Variants in NEBL observed in about 807,000 individuals in gnomAD.
NEBL encodes nebulette, also known as LIM and SH3 protein 2.
A neutral mutation model predicts 140.2 loss-of-function variants in NEBL; 122 were observed. The observed-to-expected ratio is 0.87, with a 90% CI of 0.75 to 1.01. The LOEUF is 1.01. Among genes scored for constraint, NEBL ranks in the 50% least tolerant of loss-of-function variants. The probability of loss-of-function intolerance (pLI) is 0.00; values close to 1 mark genes in which losing one functional copy is unlikely to be tolerated. For missense variants in NEBL, 1,365 were observed against 1,231.3 expected (o/e 1.11, Z -1.62); for synonymous variants, 436 against 398.9 (o/e 1.09, Z -1.11).
intron 13 of NEBL, among the ~76,000 whole-genome samples, chr10:20,839,624 G>T (rs1173207843): frequency 2.6e-5 from 4 of 152,142 alleles, no homozygotes; most frequent in Non-Finnish European, 5.9e-5. Flanking sequence ...TTAAGGTCAT[G>T]TTTTAAACAC....
intron 4 of NEBL, among the ~76,000 whole-genome samples, chr10:20,918,423 C>G (rs1343860160): frequency 6.6e-6 from 1 of 152,264 alleles, no homozygotes; most frequent in East Asian, 1.9e-4. Context: ...TTTAATTTCT[C>G]AGAGCCAATC....
chr10:20,806,515 C>T (rs2130746950), intron 26 of NEBL, among the ~76,000 whole-genome samples: 1 of 152,328 alleles, frequency 6.6e-6, no homozygotes, highest in East Asian at 1.9e-4. Flanking sequence ...AATATCCCCT[C>T]CCCAAGGAAG....
Position 20,845,319 on chromosome 10 carries a change from A to T in NEBL, c.1166T>A (p.Leu389Gln). Residue 389 changes from leucine to glutamine, a missense_variant, in exon 12 of 28, where the codon CTG becomes CAG. Around this residue, in one of 2 missense-constraint regions of NEBL, gnomAD observed 1,323 missense variants for 1,154.8 expected, o/e 1.15. Coordinates refer to ENST00000377122, the MANE Select transcript of NEBL (RefSeq NM_006393.3). ...FEKEIKGRSS[L>Q]DLDKTPEFLH... is the part of the protein sequence containing the mutation. ...AAATTCTGGAGTCTTGTCTAAATCC[A>T]GTGATGACCTTCCTTTAATCTCCTT... 6.2e-7 allele frequency: 1 copy of T among 1,606,660 alleles called. No individual in the cohort carries two copies. The highest frequency in any genetic ancestry group is 1.1e-5 in the South Asian group (1 of 90,922).
intron 2 of NEBL, among the ~76,000 whole-genome samples, chr10:21,072,474 G>A (rs1351545059): frequency 2.0e-5 from 3 of 152,166 alleles, no homozygotes; most frequent in African/African-American, 7.2e-5. Flanking sequence ...CTTTTATCAG[G>A]AGCCACCAAC....
intron 3 of NEBL, among the ~76,000 whole-genome samples, chr10:21,018,634 C>T (rs1382720125): frequency 6.6e-6 from 1 of 152,112 alleles, no homozygotes; most frequent in Non-Finnish European, 1.5e-5. Context: ...TCCCAAGTCC[C>T]CCAGAAAGAG....
At chr10:20,855,639 A>T (rs561133691) in intron 9 of NEBL, among the ~76,000 whole-genome samples, 1 of 152,286 alleles carries the variant, frequency 6.6e-6, no homozygotes, top group African/African-American at 2.4e-5. Flanking sequence ...TACACGGAGT[A>T]ACACAAAATA....
intron 3 of NEBL, among the ~76,000 whole-genome samples, chr10:20,965,405 G>T (rs572544371): frequency 1.3e-5 from 2 of 152,214 alleles, no homozygotes; most frequent in Non-Finnish European, 2.9e-5. Context: ...TTTCAGTAAG[G>T]CCTCAAAGAG....
chr10:20,867,189 AC>A (rs1241773358), intron 7 of NEBL, among the ~76,000 whole-genome samples: 1 of 151,934 alleles, frequency 6.6e-6, no homozygotes, highest in African/African-American at 2.4e-5. Flanking sequence ...AATTTTTTAA[AC>A]CCTCTTTTTG....
chr10:21,121,599 T>C (rs1302703376), intron 2 of NEBL, among the ~76,000 whole-genome samples: 1 of 152,156 alleles, frequency 6.6e-6, no homozygotes, highest in East Asian at 1.9e-4. Flanking sequence ...TGAATCACTA[T>C]CAAGTTAGAA....
Position 21,139,978 on chromosome 10 carries a change from C to G in NEBL, c.164+32405G>C, listed in dbSNP as rs939778974. Among the ~76,000 whole-genome samples, 26 of 139,232 alleles carry G rather than the reference C, an allele frequency of 1.9e-4. 1 individual carries two copies. The highest frequency in any genetic ancestry group is 1.2e-4 in the Non-Finnish European group (8 of 66,290). 91.3% of individuals were successfully genotyped at this position (139,232 alleles called of 152,430 possible). A position where few individuals can be genotyped will look rare whatever the true frequency, so the allele number is the denominator to read the frequency against. ...CCAGCCCGGCCAACATGTTGAAACC[C>G]TGTCTCAACAAAAAAAAAAAAAAAA... On this transcript the variant is annotated intron_variant, in intron 2 of 6. Coordinates refer to the NEBL transcript ENST00000417816.
intron 2 of NEBL, among the ~76,000 whole-genome samples, chr10:21,039,058 CTG>C (rs1401563377): frequency 7.4e-5 from 7 of 95,010 alleles, no homozygotes; most frequent in African/African-American, 2.4e-4. Flanking sequence ...TTTGATGGGG[CTG>C]TTTTTTTTTT....
chr10:21,045,708 A>G (rs1346012690), intron 2 of NEBL, among the ~76,000 whole-genome samples: 1 of 152,192 alleles, frequency 6.6e-6, no homozygotes, highest in East Asian at 1.9e-4. Flanking sequence ...TATCAAAAAG[A>G]CAACACATGT....
At chr10:21,125,954 T>C (rs963558369) in intron 2 of NEBL, 1 of 1,614,094 alleles carries the variant, frequency 6.2e-7, no homozygotes, top group African/African-American at 1.3e-5. Context: ...TTGGCCCAGT[T>C]GCCTGGATCT....
rs539278134 is a variant in NEBL, at chr10:20,914,427, T to C, written c.357+47245A>G. On this transcript the variant is annotated intron_variant, in intron 4 of 6. Coordinates refer to the NEBL transcript ENST00000417816. Reference sequence around the variant, plus strand: ...AGGTTTTCTATGAGATTACCCTCTATGTTTCCTATAAATCCCTTTTCCCTT... The same window carrying C: ...AGGTTTTCTATGAGATTACCCTCTACGTTTCCTATAAATCCCTTTTCCCTT... Among the ~76,000 whole-genome samples the C allele has an allele frequency of 4.6e-5, 7 of 152,360 alleles. No homozygotes were observed. The East Asian group carries it at 1.2e-3, about 25-fold the overall frequency.
At chr10:20,826,074 CT>C (rs1839823097) in intron 18 of NEBL, among the ~76,000 whole-genome samples, 1 of 152,136 alleles carries the variant, frequency 6.6e-6, no homozygotes, top group Non-Finnish European at 1.5e-5. Context: ...GTTCTGGGGC[CT>C]TTAATCATTG....
intron 10 of NEBL, among the ~76,000 whole-genome samples, chr10:20,851,216 G>A (rs550640932): frequency 7.6e-4 from 116 of 152,130 alleles, no homozygotes; most frequent in Non-Finnish European, 1.3e-3. Flanking sequence ...ACTCATAGAA[G>A]TTTTTATACT....
intron 2 of NEBL, among the ~76,000 whole-genome samples, chr10:20,894,938 A>C (rs1305781853): frequency 7.5e-4 from 113 of 151,484 alleles, no homozygotes; most frequent in African/African-American, 2.7e-3. Context: ...AAAAAAAAAA[A>C]AAAAAAAAAA....
chr10:20,901,842 G>A (rs750478192), upstream of NEBL, among the ~76,000 whole-genome samples: 5 of 152,026 alleles, frequency 3.3e-5, no homozygotes, highest in Non-Finnish European at 7.4e-5. Flanking sequence ...TCAGTAACTG[G>A]TATCTTCCCA....
intron 2 of NEBL, among the ~76,000 whole-genome samples, chr10:21,044,786 T>A (rs1377191310): frequency 2.0e-5 from 3 of 152,318 alleles, no homozygotes; most frequent in African/African-American, 7.2e-5. Context: ...CAGATTCATA[T>A]CAGCACTTCT....
Sources: allele counts gnomAD v4.1 joint callset (sites outside exome capture counted in the v4.1 genomes callset), GRCh38; gene constraint gnomAD v4.1.1; regional missense constraint gnomAD v4.1.1; transcripts MANE v1.5; gene names NCBI Gene and HGNC (gene_info 2026-07-23, HGNC 2026-07-21).